The following LPP variants were observed in gnomAD, a reference collection of about 807,000 sequenced individuals.
LPP encodes the protein lipoma-preferred partner.
In LPP, 38 loss-of-function variants were observed where a neutral mutation model predicts 60.4. The ratio of observed to expected loss-of-function variants is 0.63; its 90% CI spans 0.49 to 0.83. The LOEUF is 0.83. LPP is among the 40% of genes least tolerant of loss of function. The probability of loss-of-function intolerance (pLI) is 0.00; values close to 1 mark genes in which losing one functional copy is unlikely to be tolerated. For synonymous variants in LPP, 328 were observed against 290.8 expected, an observed-to-expected ratio of 1.13 and a Z score of -1.30; for missense variants, 902 against 783.6, an observed-to-expected ratio of 1.15 and a Z score of -1.80.
rs1018540395 is a variant in LPP at position 188,631,376 on chromosome 3, T to G, written c.1113+21532T>G. 6.6e-5 allele frequency among the ~76,000 whole-genome samples: 10 copies of G among 152,312 alleles called. 2 individuals are homozygous for G. The South Asian group carries it at 1.4e-3, about 22-fold the overall frequency. On this transcript the variant is annotated intron_variant, in intron 7 of 11. Coordinates refer to ENST00000617246, the MANE Select transcript of LPP (RefSeq NM_001375462.1). ...GACACTCCTATTAAGTTTCTTTTAT[T>G]TGTGAGCTATTACAACACCCTTACT...
chr3:188,605,443 G>A (rs1299141903), intron 6 of LPP, among the ~76,000 whole-genome samples: 3 of 152,092 alleles, frequency 2.0e-5, no homozygotes. Context: ...AGCAGATCAG[G>A]GTGGATGATG....
At position 188,288,825 on chromosome 3, in the gene LPP, A is replaced by AC. The variant is rs1480877571; in HGVS notation, c.-66-52833dup. The stretch of plus-strand genomic sequence containing the variant: ...TCTCTCTCTCCACCCCCCACCCCCC[A>AC]CCCCCACCCCCCCGCCCCTCTAGCT... On this transcript the variant is annotated intron_variant, in intron 2 of 11. Transcript: ENST00000617246. Among the ~76,000 whole-genome samples the AC allele has an allele frequency of 6.6e-3, 167 of 25,458 alleles. 1 individual carries two copies. Among genetic ancestry groups the AC allele is most frequent in the South Asian group, 9.9e-3 (5 of 504 alleles). The allele number at this position is 25,458 out of a possible 152,430, so 16.7% of individuals were successfully genotyped here.
intron 9 of LPP, among the ~76,000 whole-genome samples, chr3:188,825,465 T>C (rs1266627640): frequency 6.6e-6 from 1 of 152,010 alleles, no homozygotes; most frequent in Non-Finnish European, 1.5e-5. Context: ...TATATACTGC[T>C]AAGGAAGGGT....
intron 7 of LPP, among the ~76,000 whole-genome samples, chr3:188,623,263 T>C (rs1580470766): frequency 6.6e-6 from 1 of 150,478 alleles, no homozygotes; most frequent in African/African-American, 2.4e-5. Flanking sequence ...AGATACTTTT[T>C]TTTTTTTTTT....
intron 8 of LPP, among the ~76,000 whole-genome samples, chr3:188,746,287 A>G (rs947360976): frequency 2.4e-4 from 37 of 152,122 alleles, no homozygotes; most frequent in African/African-American, 8.7e-4. Context: ...TCTAATGCCT[A>G]TAAGGGAACT....
intron 7 of LPP, among the ~76,000 whole-genome samples, chr3:188,671,558 G>A (rs1275387637): frequency 3.3e-5 from 5 of 152,106 alleles, no homozygotes; most frequent in Non-Finnish European, 7.4e-5. Flanking sequence ...ATGATAAAAG[G>A]AGACAAGCTT....
At chr3:188,432,852 A>G (rs1294103890) in intron 4 of LPP, among the ~76,000 whole-genome samples, 1 of 152,154 alleles carries the variant, frequency 6.6e-6, no homozygotes, top group Non-Finnish European at 1.5e-5. Flanking sequence ...GGATTGGACA[A>G]GAGCCTCAAG....
At chr3:188,193,936 A>C (rs931164006) in intron 1 of LPP, among the ~76,000 whole-genome samples, 4 of 152,238 alleles carry the variant, frequency 2.6e-5, no homozygotes, top group African/African-American at 9.6e-5. Flanking sequence ...GGGAACCAGC[A>C]AAAGATTTGG....
At chr3:188,282,911 A>G (rs1742603989) in intron 2 of LPP, among the ~76,000 whole-genome samples, 3 of 152,012 alleles carry the variant, frequency 2.0e-5, no homozygotes, top group Admixed American at 2.0e-4. Flanking sequence ...GACATCTCTG[A>G]TCCTTTGGAG....
rs1419145783 is a variant in LPP, at chr3:188,865,216, A to G, written c.1411-984A>G. On this transcript the variant is annotated intron_variant, in intron 9 of 11. Transcript: ENST00000617246. ...GAATTAAAGGGCAGGATGGAAAGTT[A>G]ACAGCCGATCTTTCTGAGACCTGAC... Among the ~76,000 whole-genome samples the G allele has an allele frequency of 2.6e-5, 4 of 152,248 alleles. No individual in the cohort carries two copies. The East Asian group carries it at 7.7e-4, about 29-fold the overall frequency.
chr3:188,318,784 A>T (rs1243037408), intron 2 of LPP, among the ~76,000 whole-genome samples: 2 of 101,272 alleles, frequency 2.0e-5, no homozygotes, highest in East Asian at 3.4e-4. Context: ...TTTGAGACGG[A>T]GTCTCGCTCT....
rs953284752 is a variant in LPP, at chr3:188,502,946, C to T, written c.306+18242C>T. On this transcript the variant is annotated intron_variant, in intron 5 of 11. Coordinates refer to ENST00000617246, the MANE Select transcript of LPP (RefSeq NM_001375462.1). ...GTTTAATGAATGTGTATCACTTTTA[C>T]ACCATCATATGGTAAAAAAATTGTA... Among the ~76,000 whole-genome samples, 37 of 152,062 alleles carry T rather than the reference C, an allele frequency of 2.4e-4. 1 individual carries two copies. Among genetic ancestry groups the T allele is most frequent in the Admixed American group, 2.4e-3 (37 of 15,276 alleles).
chr3:188,387,785 T>C (rs1778705605), intron 3 of LPP, among the ~76,000 whole-genome samples: 1 of 152,104 alleles, frequency 6.6e-6, no homozygotes, highest in African/African-American at 2.4e-5. Flanking sequence ...AAGGCTGGTC[T>C]TGAACTCCTG....
At chr3:188,637,776 A>C (rs1486452057) in intron 7 of LPP, among the ~76,000 whole-genome samples, 1 of 152,240 alleles carries the variant, frequency 6.6e-6, no homozygotes, top group African/African-American at 2.4e-5. Context: ...GAAATGGATA[A>C]ATTCCTTGAT....
At chr3:188,371,917 CAAACT>C (rs1487173983) in intron 3 of LPP, among the ~76,000 whole-genome samples, 1 of 151,386 alleles carries the variant, frequency 6.6e-6, no homozygotes, top group East Asian at 1.9e-4. Context: ...CTTGGCTTCC[CAAACT>C]GCTGGGATTA....
At chr3:188,239,860 C>G (rs1723268491) in intron 2 of LPP, 1 of 212,226 alleles carries the variant, frequency 4.7e-6, no homozygotes, top group South Asian at 1.9e-4. Context: ...GTCAAGAGGG[C>G]TTGGATGGGT....
At chr3:188,592,551 G>GTTTTTTTTTTTTTT (rs1553936326) in intron 6 of LPP, among the ~76,000 whole-genome samples, 30 of 98,208 alleles carry the variant, frequency 3.1e-4, no homozygotes, top group Non-Finnish European at 4.5e-4. Context: ...TTTTAGTTTT[G>GTTTTTTTTTTTTTT]TTTTTGTTTT....
chr3:188,423,455 A>C (rs555577006), intron 4 of LPP, among the ~76,000 whole-genome samples: 1 of 152,296 alleles, frequency 6.6e-6, no homozygotes, highest in South Asian at 2.1e-4. Context: ...CTTTGGGTGT[A>C]TACCCAGTAA....
Position 188,708,160 on chromosome 3 carries a change from C to T in LPP, c.1114-107C>T, listed in dbSNP as rs181932958. The T allele has an allele frequency of 1.1e-5, 14 of 1,266,928 alleles. No individual in the cohort carries two copies. In the East Asian group the frequency reaches 1.9e-4, roughly 17 times the overall value. 78.5% of individuals were successfully genotyped at this position (1,266,928 alleles called of 1,614,324 possible). A position where few individuals can be genotyped will look rare whatever the true frequency, so the allele number is the denominator to read the frequency against. ...TAAAACCCAGGTCTCCTGACAGCCA[C>T]GTCCAGTGCTTTTTCCTCTCCAGTG... is the stretch of plus-strand genomic sequence containing the variant. On this transcript the variant is annotated intron_variant, in intron 7 of 11. Coordinates refer to ENST00000617246, the MANE Select transcript of LPP (RefSeq NM_001375462.1).
Sources: gnomAD v4.1 joint callset for allele counts (sites outside exome capture counted in the v4.1 genomes callset) on GRCh38, gnomAD v4.1.1 for gene constraint, MANE v1.5 for transcripts, NCBI Gene and HGNC (gene_info 2026-07-23, HGNC 2026-07-21) for gene names.